Variants in CACNA1D observed in about 807,000 individuals in gnomAD.
The protein encoded by CACNA1D is calcium voltage-gated channel subunit alpha1 D, also known as voltage-dependent L-type calcium channel subunit alpha-1D.
Under a neutral mutation model 257.1 loss-of-function variants are expected in CACNA1D, and 55 were observed. The observed-to-expected ratio is 0.21, with a 90% CI of 0.17 to 0.27. The LOEUF (loss-of-function observed/expected upper bound fraction) is 0.27. Among genes scored for constraint, CACNA1D ranks in the 10% least tolerant of loss-of-function variants. CACNA1D has a pLI of 1.00. For synonymous variants in CACNA1D, 980 were observed against 1,014.9 expected (o/e 0.97, Z 0.65); for missense variants, 1,876 against 2,784.0 (o/e 0.67, Z 7.34).
rs1471485090 is a variant in CACNA1D at position 53,709,199 on chromosome 3, G to A, written c.1390+6389G>A. ...AAAGAACATAGAGTAATAATAACTAGCATTTGTCAGGTGCTTTCTGTGTGT... is the reference window on the plus strand; with the variant it reads ...AAAGAACATAGAGTAATAATAACTAACATTTGTCAGGTGCTTTCTGTGTGT... On this transcript the variant is annotated intron_variant, in intron 9 of 47. Coordinates refer to ENST00000350061, the MANE Select transcript of CACNA1D (RefSeq NM_001128840.3). Among the ~76,000 whole-genome samples, 3 of 152,184 alleles carry A rather than the reference G, an allele frequency of 2.0e-5. No individual in the cohort carries two copies. In the East Asian group the frequency reaches 5.8e-4, roughly 29 times the overall value.
intron 29 of CACNA1D, among the ~76,000 whole-genome samples, chr3:53,758,188 C>A (rs1183204767): frequency 6.6e-6 from 1 of 152,146 alleles, no homozygotes; most frequent in East Asian, 1.9e-4. Context: ...CCCCGCTTAC[C>A]TTTGGAAAGG....
At chr3:53,689,467 C>A in intron 8 of CACNA1D, among the ~76,000 whole-genome samples, 1 of 151,460 alleles carries the variant, frequency 6.6e-6, no homozygotes, top group East Asian at 1.9e-4. Flanking sequence ...GTTAGGAGAG[C>A]CTGGGGGCTG....
chr3:53,760,609 C>T (rs1318163882), intron 29 of CACNA1D, among the ~76,000 whole-genome samples: 6 of 152,320 alleles, frequency 3.9e-5, no homozygotes, highest in South Asian at 2.1e-4. Context: ...CCTCTCCAAC[C>T]GGGAGCTTCC....
chr3:53,795,966 A>G (rs1418837374), intron 40 of CACNA1D, among the ~76,000 whole-genome samples: 1 of 152,196 alleles, frequency 6.6e-6, no homozygotes, highest in Non-Finnish European at 1.5e-5. Flanking sequence ...CCAACCCTTT[A>G]TATCTGACAC....
chr3:53,560,461 G>A (rs951274272), intron 3 of CACNA1D, among the ~76,000 whole-genome samples: 1 of 152,088 alleles, frequency 6.6e-6, no homozygotes, highest in African/African-American at 2.4e-5. Context: ...GAGATCCTAG[G>A]ATGTATTCAT....
chr3:53,806,005 CCCTCCTCCTCCCTCATGTTCCCT>C (rs1480021355), intron 45 of CACNA1D, among the ~76,000 whole-genome samples: 8 of 136,132 alleles, frequency 5.9e-5, no homozygotes, highest in African/African-American at 8.4e-5. Flanking sequence ...CCCTCATCTT[CCCTCCTCCTCCCTCATGTTCCCT>C]CCTCCTCCTC....
chr3:53,733,498 T>A (rs757999860), intron 19 of CACNA1D, among the ~76,000 whole-genome samples: 1 of 152,220 alleles, frequency 6.6e-6, no homozygotes, highest in Non-Finnish European at 1.5e-5. Context: ...AGTGATATTT[T>A]ATGGGTTGTA....
intron 40 of CACNA1D, among the ~76,000 whole-genome samples, chr3:53,790,180 G>A (rs1419277273): frequency 6.6e-6 from 1 of 152,082 alleles, no homozygotes; most frequent in Non-Finnish European, 1.5e-5. Flanking sequence ...TGCTACATCC[G>A]AGTGACCCAC....
At chr3:53,770,777 A>T (rs2095362051) in intron 32 of CACNA1D, among the ~76,000 whole-genome samples, 2 of 152,230 alleles carry the variant, frequency 1.3e-5, no homozygotes, top group South Asian at 4.1e-4. Context: ...AAGGATCCGT[A>T]GCTGAGAGAT....
At chr3:53,700,678 G>T (rs2094615245) in intron 8 of CACNA1D, among the ~76,000 whole-genome samples, 1 of 152,030 alleles carries the variant, frequency 6.6e-6, no homozygotes, top group Non-Finnish European at 1.5e-5. Context: ...ACGTGTCTGG[G>T]CTCAGATCGG....
In CACNA1D at chr3:53,723,468, C is replaced by G. The variant is rs2108720984; in HGVS notation, c.1701C>G (p.Thr567=). 3.1e-6 allele frequency: 5 copies of G among 1,614,126 alleles called. No individual in the cohort carries two copies. Residue 567 remains threonine (T), a synonymous_variant, in exon 13 of 48, where the codon ACC becomes ACG. Coordinates refer to ENST00000350061, the MANE Select transcript of CACNA1D (RefSeq NM_001128840.3). This position sits in a 1 kb window ranked among gnomAD's most constrained non-coding sequence, Gnocchi z 5.6. ...ACAAAGTCCTCTTGGCTCTGTTCAC[C>G]TGCGAGATGCTGGTAAAAATGTACA... The part of the protein sequence containing the change: ...IANKVLLALF[T]CEMLVKMYSL...
chr3:53,743,077 A>T lies in CACNA1D; in HGVS notation c.2878A>T (p.Met960Leu). Residue 960 changes from methionine (M) to leucine (L), a missense_variant, in exon 22 of 48, where the codon ATG (methionine) becomes TTG (leucine). By Grantham distance (15) the Met-to-Leu change is conservative (BLOSUM62 2). Coordinates refer to ENST00000350061, the MANE Select transcript of CACNA1D (RefSeq NM_001128840.3). ...FCRNYFNLLDMLVVGVSLVSF... is the reference protein window; with the variant it reads ...FCRNYFNLLDLLVVGVSLVSF... ...CAGGAACTACTTCAATTTGCTGGAT[A>T]TGCTGGTGGTTGGGGTGTCTCTGGT... 1 of 1,613,958 alleles carries T rather than the reference A, an allele frequency of 6.2e-7. No homozygotes were observed. Among genetic ancestry groups the T allele is most frequent in the Non-Finnish European group, 8.5e-7 (1 of 1,179,842 alleles).
chr3:53,718,811 A>T (rs2094850155), intron 10 of CACNA1D: 1 of 1,297,770 alleles, frequency 7.7e-7, no homozygotes, highest in Non-Finnish European at 1.1e-6. Context: ...TCTGTGGCAG[A>T]GTTGCTGACT....
At chr3:53,573,912 A>G (rs1305780783) in intron 3 of CACNA1D, among the ~76,000 whole-genome samples, 1 of 152,166 alleles carries the variant, frequency 6.6e-6, no homozygotes, top group Non-Finnish European at 1.5e-5. Context: ...TTGTGTAACC[A>G]TCACCACTGT....
At chr3:53,562,174 G>T (rs551040054) in intron 3 of CACNA1D, among the ~76,000 whole-genome samples, 2 of 152,282 alleles carry the variant, frequency 1.3e-5, no homozygotes, top group East Asian at 3.9e-4. Flanking sequence ...AGAAATCTGT[G>T]GAGCAGCTGC....
intron 3 of CACNA1D, among the ~76,000 whole-genome samples, chr3:53,607,199 G>T (rs1034668500): frequency 6.6e-6 from 1 of 152,208 alleles, no homozygotes; most frequent in Non-Finnish European, 1.5e-5. Flanking sequence ...GACTGCAGTT[G>T]CTGGGCCATA....
chr3:53,534,354 C>T (rs1051849418), intron 3 of CACNA1D, among the ~76,000 whole-genome samples: 6 of 152,236 alleles, frequency 3.9e-5, no homozygotes, highest in Non-Finnish European at 7.3e-5. Flanking sequence ...AATTTTATCT[C>T]CTCCAGCCTT....
At chr3:53,656,665 A>C (rs1456597892) in intron 4 of CACNA1D, among the ~76,000 whole-genome samples, 1 of 152,262 alleles carries the variant, frequency 6.6e-6, no homozygotes, top group Non-Finnish European at 1.5e-5. Flanking sequence ...AATATTCACA[A>C]TACATACACT....
chr3:53,721,433 A>G (rs573874649), intron 11 of CACNA1D, among the ~76,000 whole-genome samples: 16 of 152,234 alleles, frequency 1.1e-4, no homozygotes, highest in African/African-American at 4.8e-5. Flanking sequence ...GACTTTACCA[A>G]TTGGCTGACC....
Sources: allele counts gnomAD v4.1 joint callset (sites outside exome capture counted in the v4.1 genomes callset), GRCh38; gene constraint gnomAD v4.1.1; non-coding constraint Gnocchi (gnomAD v3.1); transcripts MANE v1.5; gene names NCBI Gene and HGNC (gene_info 2026-07-23, HGNC 2026-07-21).